Variants in MMP26 observed in about 807,000 individuals in gnomAD.
MMP26 encodes matrix metalloproteinase-26.
MMP26 carries 33 observed loss-of-function variants against 31.0 expected under a neutral mutation model. The ratio of observed to expected loss-of-function variants is 1.06; its 90% CI spans 0.81 to 1.42. MMP26 has a LOEUF of 1.42. Among genes scored for constraint, MMP26 ranks in the 40% most tolerant of loss-of-function variants. MMP26 has a pLI of 0.00. For synonymous variants in MMP26, 122 were observed against 114.9 expected (o/e 1.06, Z -0.40); for missense variants, 347 against 316.1 (o/e 1.10, Z -0.74).
chr11:4,863,072 T>C (rs1423849522), intron 2 of MMP26, among the ~76,000 whole-genome samples: 6 of 152,146 alleles, frequency 3.9e-5, no homozygotes, highest in Non-Finnish European at 8.8e-5. Context: ...GGGGTTTTTC[T>C]TGGGACCTAC....
chr11:4,821,367 G>A (rs760541658), intron 2 of MMP26: 3 of 1,582,044 alleles, frequency 1.9e-6, no homozygotes, highest in Non-Finnish European at 2.6e-6. Flanking sequence ...GATAAACTAT[G>A]TATTATGTGT....
intron 2 of MMP26, among the ~76,000 whole-genome samples, chr11:4,879,964 G>T (rs2133535657): frequency 6.6e-6 from 1 of 152,304 alleles, no homozygotes. Context: ...AATGGTTATA[G>T]TTATTTGACC....
chr11:4,739,118 G>A (rs1446031917), intron 1 of MMP26, among the ~76,000 whole-genome samples: 2 of 152,030 alleles, frequency 1.3e-5, no homozygotes, highest in Non-Finnish European at 1.5e-5. Context: ...TAAGCTTCAG[G>A]GATAGGAGTG....
At position 4,785,443 on chromosome 11, in the gene MMP26, C is replaced by T. The variant is rs370872132; in HGVS notation, c.-145+18102C>T. On this transcript the variant is annotated intron_variant, in intron 2 of 7. Transcript: ENST00000380390. Reference sequence around the variant, plus strand: ...CCTTTTGATATGTATACTTATTGTCCGAGACTCATTAGCTACAAGGTAACT... The same window carrying T: ...CCTTTTGATATGTATACTTATTGTCTGAGACTCATTAGCTACAAGGTAACT... Among the ~76,000 whole-genome samples the T allele has an allele frequency of 3.3e-5, 5 of 151,676 alleles. No homozygotes were observed. In the East Asian group the frequency reaches 5.8e-4, roughly 18 times the overall value.
rs577820217 is a variant in MMP26, at chr11:4,714,275, T to C, written c.-217+9230T>C. On this transcript the variant is annotated intron_variant, in intron 1 of 7. Coordinates refer to ENST00000380390, the MANE Select transcript of MMP26 (RefSeq NM_021801.5). ...GGAAATCTATTTTCTGAAATCTGTA[T>C]TTTCTAGGAACATTCTATTCTGAGG... Among the ~76,000 whole-genome samples, 3 of 152,324 alleles carry C rather than the reference T, an allele frequency of 2.0e-5. No homozygotes were observed. In the South Asian group the frequency reaches 6.2e-4, roughly 32 times the overall value.
intron 2 of MMP26, among the ~76,000 whole-genome samples, chr11:4,864,355 A>T (rs376988890): frequency 1.1e-4 from 17 of 152,296 alleles, no homozygotes; most frequent in African/African-American, 3.8e-4. Flanking sequence ...GTCAGGCCTT[A>T]AACTGTTCAC....
intron 2 of MMP26, among the ~76,000 whole-genome samples, chr11:4,884,002 A>C (rs1473285187): frequency 6.6e-6 from 1 of 152,118 alleles, no homozygotes; most frequent in Non-Finnish European, 1.5e-5. Context: ...CACCACTCCC[A>C]ATCTGGTTTG....
intron 1 of MMP26, among the ~76,000 whole-genome samples, chr11:4,708,212 A>G (rs1847807499): frequency 6.6e-6 from 1 of 152,196 alleles, no homozygotes; most frequent in African/African-American, 2.4e-5. Context: ...GCTTGACTCG[A>G]AGATCCATAG....
intron 2 of MMP26, among the ~76,000 whole-genome samples, chr11:4,956,394 A>G (rs1197172240): frequency 2.0e-5 from 3 of 152,230 alleles, no homozygotes; most frequent in East Asian, 1.9e-4. Context: ...CAGTAAATCT[A>G]CAGAGATAGT....
intron 2 of MMP26, among the ~76,000 whole-genome samples, chr11:4,939,552 T>C (rs776041499): frequency 2.0e-5 from 3 of 152,308 alleles, no homozygotes; most frequent in South Asian, 2.1e-4. Flanking sequence ...TTATTAACTC[T>C]CTATTTAAAC....
intron 2 of MMP26, among the ~76,000 whole-genome samples, chr11:4,808,313 G>T (rs1589907331): frequency 6.6e-6 from 1 of 152,224 alleles, no homozygotes; most frequent in Middle Eastern, 3.4e-3. Context: ...GGGGAAAGCA[G>T]AGTTTGCTGT....
chr11:4,925,774 A>AG (rs1851263193), intron 2 of MMP26, among the ~76,000 whole-genome samples: 2 of 149,622 alleles, frequency 1.3e-5, no homozygotes, highest in South Asian at 4.2e-4. Context: ...TTAACTACAA[A>AG]AAAAAAAAAA....
At chr11:4,914,997 A>G (rs1851055805) in intron 2 of MMP26, 2 of 1,613,994 alleles carry the variant, frequency 1.2e-6, no homozygotes, top group Non-Finnish European at 1.7e-6. Context: ...ATCAGAGCAT[A>G]AGAGAAGAGG....
At chr11:4,804,185 GA>G in intron 2 of MMP26, 1 of 1,614,204 alleles carries the variant, frequency 6.2e-7, no homozygotes, top group South Asian at 1.1e-5. Context: ...AGCATGGCCA[GA>G]AAGAGGTACA....
chr11:4,876,253 G>A (rs1406152083), intron 2 of MMP26: 1 of 152,120 alleles, frequency 6.6e-6, no homozygotes, highest in African/African-American at 2.4e-5. Flanking sequence ...TGCAAGACAG[G>A]TAACTTCTTG....
chr11:4,798,625 A>G (rs1467678108), intron 2 of MMP26, among the ~76,000 whole-genome samples: 1 of 152,178 alleles, frequency 6.6e-6, no homozygotes, highest in Non-Finnish European at 1.5e-5. Flanking sequence ...CATGGTGTGC[A>G]CAGCATGGAG....
At chr11:4,975,101 C>T (rs777546331) in intron 2 of MMP26, among the ~76,000 whole-genome samples, 2 of 152,032 alleles carry the variant, frequency 1.3e-5, no homozygotes, top group South Asian at 2.1e-4. Context: ...CACATGTACC[C>T]CAGAACTTAA....
rs1165632045 is a variant in MMP26, at chr11:4,761,501, T to C, written c.-216-5769T>C. 3.9e-5 allele frequency among the ~76,000 whole-genome samples: 6 copies of C among 152,166 alleles called. No individual in the cohort carries two copies. The East Asian group carries it at 9.7e-4, about 24-fold the overall frequency. On this transcript the variant is annotated intron_variant, in intron 1 of 7. Transcript: ENST00000380390. ...CCTCTGTGGGATTTTTGCACCATTC[T>C]GTTACACTGCACTTCTTATCCCATT...
chr11:4,795,215 C>A (rs980031590), intron 2 of MMP26: 2 of 152,188 alleles, frequency 1.3e-5, no homozygotes, highest in Admixed American at 1.3e-4. Flanking sequence ...GCAGCCACAA[C>A]AACAGCTGAT....
Sources: gnomAD v4.1 joint callset for allele counts (sites outside exome capture counted in the v4.1 genomes callset) on GRCh38, gnomAD v4.1.1 for gene constraint, MANE v1.5 for transcripts, NCBI Gene and HGNC (gene_info 2026-07-23, HGNC 2026-07-21) for gene names.